The following ENPP3 variants were observed in gnomAD, a reference collection of about 807,000 sequenced individuals.
ENPP3 encodes ectonucleotide pyrophosphatase/phosphodiesterase family member 3.
Under a neutral mutation model 117.8 loss-of-function variants are expected in ENPP3, and 104 were observed. The ratio of observed to expected loss-of-function variants is 0.88; its 90% CI spans 0.75 to 1.04. The LOEUF (loss-of-function observed/expected upper bound fraction) is 1.04, where lower values mean the gene tolerates loss of function less well. ENPP3 is among the 50% of genes least tolerant of loss of function. The pLI is 0.00. For missense variants in ENPP3, 1,026 were observed against 1,051.9 expected (o/e 0.98, Z 0.34); for synonymous variants, 380 against 349.9 (o/e 1.09, Z -0.96).
At chr6:131,639,762 A>T (rs1778003773) in intron 1 of ENPP3, among the ~76,000 whole-genome samples, 1 of 152,186 alleles carries the variant, frequency 6.6e-6, no homozygotes, top group African/African-American at 2.4e-5. Flanking sequence ...TTTAAGATAC[A>T]TGTGCACCCC....
At chr6:131,685,537 A>G in intron 13 of ENPP3, 42 bp downstream of exon 13, 1 of 1,593,126 alleles carries the variant, frequency 6.3e-7, no homozygotes, top group Non-Finnish European at 8.6e-7. Flanking sequence ...GGTAAACCTG[A>G]AAGTGAATAA....
At chr6:131,693,206 T>G (rs1324760276) in intron 14 of ENPP3, among the ~76,000 whole-genome samples, 2 of 151,044 alleles carry the variant, frequency 1.3e-5, no homozygotes, top group African/African-American at 4.9e-5. Flanking sequence ...TGAGAGAGTC[T>G]CACTCTATGG....
At chr6:131,744,838 T>C (rs1283797617) in intron 24 of ENPP3, among the ~76,000 whole-genome samples, 2 of 149,084 alleles carry the variant, frequency 1.3e-5, no homozygotes, top group Admixed American at 6.6e-5. Flanking sequence ...CACACACATA[T>C]AAATATCAAA....
At chr6:131,654,133 A>AT (rs1222294391) in intron 5 of ENPP3, among the ~76,000 whole-genome samples, 1 of 148,994 alleles carries the variant, frequency 6.7e-6, no homozygotes, top group East Asian at 2.0e-4. Flanking sequence ...TATTATTATT[A>AT]TTATTATTAT....
intron 23 of ENPP3, among the ~76,000 whole-genome samples, chr6:131,739,954 ATGTGTG>A (rs1222932553): frequency 8.0e-6 from 1 of 124,490 alleles, no homozygotes; most frequent in Non-Finnish European, 1.6e-5. Context: ...ATATATATAT[ATGTGTG>A]TGTGTCTTTA....
intron 14 of ENPP3, among the ~76,000 whole-genome samples, chr6:131,686,215 A>AT (rs1779150258): frequency 6.6e-6 from 1 of 152,084 alleles, no homozygotes; most frequent in Admixed American, 6.6e-5. Flanking sequence ...CGTCTTTCTC[A>AT]TTTTTTGTGT....
chr6:131,702,228 T>G (rs1002215798), intron 15 of ENPP3, among the ~76,000 whole-genome samples: 10 of 151,972 alleles, frequency 6.6e-5, no homozygotes, highest in Non-Finnish European at 1.5e-4. Context: ...AAAACCACAT[T>G]AAGTTTAATC....
intron 14 of ENPP3, among the ~76,000 whole-genome samples, chr6:131,688,444 G>A (rs1038559785): frequency 6.6e-6 from 1 of 152,072 alleles, no homozygotes; most frequent in African/African-American, 2.4e-5. Context: ...AGTTAAGATG[G>A]GCCAAAAGCT....
chr6:131,690,146 C>T (rs1252382986), intron 14 of ENPP3, among the ~76,000 whole-genome samples: 1 of 152,188 alleles, frequency 6.6e-6, no homozygotes, highest in African/African-American at 2.4e-5. Context: ...ATTCCATAAA[C>T]TTAGTGGCTA....
In ENPP3 at chr6:131,722,286, C is replaced by T; in HGVS notation, c.1627C>T (p.Leu543=). 5.0e-6 allele frequency: 8 copies of T among 1,614,064 alleles called. No individual in the cohort carries two copies. The highest frequency in any genetic ancestry group is 6.8e-6 in the Non-Finnish European group (8 of 1,179,932). The change falls in exon 18 of 25, where the codon CTG becomes TTG. Residue 543 remains leucine (L), a synonymous_variant. Coordinates refer to ENST00000357639, the MANE Select transcript of ENPP3 (RefSeq NM_005021.5). The stretch of plus-strand genomic sequence containing the variant: ...AACCCATGGTAGTTTAAACCATCTT[C>T]TGAAGGTGCCTTTTTATGAGCCATC... The part of the protein sequence containing the change: ...NGTHGSLNHL[L]KVPFYEPSHA...
At chr6:131,721,576 G>T (rs575487457) in intron 17 of ENPP3, among the ~76,000 whole-genome samples, 31 of 151,866 alleles carry the variant, frequency 2.0e-4, no homozygotes, top group African/African-American at 7.5e-4. Context: ...CATGCAAATT[G>T]TATGTTTCTA....
At chr6:131,686,515 T>TA (rs1779157415) in intron 14 of ENPP3, among the ~76,000 whole-genome samples, 1 of 152,188 alleles carries the variant, frequency 6.6e-6, no homozygotes, top group Non-Finnish European at 1.5e-5. Context: ...TAACTTTTTT[T>TA]AAAAAATTCA....
chr6:131,651,431 A>G (rs1190041620), intron 3 of ENPP3, among the ~76,000 whole-genome samples: 7 of 152,344 alleles, frequency 4.6e-5, no homozygotes, highest in Non-Finnish European at 8.8e-5. Context: ...GAAATGCTGT[A>G]TCATTACATA....
chr6:131,740,500 C>G, intron 24 of ENPP3, 120 bp downstream of exon 24: 1 of 637,772 alleles, frequency 1.6e-6, no homozygotes, highest in Non-Finnish European at 2.5e-6. Flanking sequence ...AAAGTTATAA[C>G]ACAAATGACT....
chr6:131,645,803 A>G (rs1032331322), intron 2 of ENPP3, among the ~76,000 whole-genome samples: 1 of 152,030 alleles, frequency 6.6e-6, no homozygotes, highest in Non-Finnish European at 1.5e-5. Context: ...GATCCTTTGT[A>G]GGTTGCTCAT....
chr6:131,674,710 C>G (rs917535916), intron 8 of ENPP3, among the ~76,000 whole-genome samples: 1 of 151,820 alleles, frequency 6.6e-6, no homozygotes, highest in African/African-American at 2.4e-5. Flanking sequence ...GCTGGGACTA[C>G]AGGCACGCAC....
In ENPP3 at chr6:131,736,189, T is replaced by G. The variant is rs1024432889; in HGVS notation, c.2090-1166T>G. On this transcript the variant is annotated intron_variant, in intron 21 of 24. Transcript: ENST00000357639. ...CTTCCAGAGCACCCTCGCTGAACAC[T>G]CACTGTGCTAGACAGCACAGCCATA... is the stretch of plus-strand genomic sequence containing the variant. 2.0e-5 allele frequency among the ~76,000 whole-genome samples: 3 copies of G among 152,318 alleles called. No homozygotes were observed. The South Asian group carries it at 6.2e-4, about 32-fold the overall frequency.
intron 16 of ENPP3, 60 bp downstream of exon 16, chr6:131,718,798 G>A: frequency 2.0e-6 from 2 of 986,948 alleles, no homozygotes; most frequent in African/African-American, 1.6e-5. Flanking sequence ...TGTACAGAAT[G>A]TGCAGGTTTG....
At chr6:131,732,788 G>A (rs1422606865) in intron 20 of ENPP3, among the ~76,000 whole-genome samples, 1 of 149,610 alleles carries the variant, frequency 6.7e-6, no homozygotes, top group Non-Finnish European at 1.5e-5. Context: ...CCAAGCTGGA[G>A]TGCAATGGCC....
Sources: gnomAD v4.1 joint callset for allele counts (sites outside exome capture counted in the v4.1 genomes callset) on GRCh38, gnomAD v4.1.1 for gene constraint, MANE v1.5 for transcripts, NCBI Gene and HGNC (gene_info 2026-07-23, HGNC 2026-07-21) for gene names.